COMMD10: variants seen among roughly 807,000 people sequenced by gnomAD.
COMMD10 encodes COMM domain-containing protein 10.
In COMMD10, 33 loss-of-function variants were observed where a neutral mutation model predicts 28.9. The ratio of observed to expected loss-of-function variants is 1.14; its 90% CI spans 0.87 to 1.53. The LOEUF (loss-of-function observed/expected upper bound fraction) is 1.53, where lower values mean the gene tolerates loss of function less well. COMMD10 is among the 40% of genes most tolerant of loss of function. The probability of loss-of-function intolerance (pLI) is 0.00; values close to 1 mark genes in which losing one functional copy is unlikely to be tolerated. For synonymous variants in COMMD10, 110 were observed against 81.7 expected, an observed-to-expected ratio of 1.35 and a Z score of -1.87; for missense variants, 310 against 233.4, an observed-to-expected ratio of 1.33 and a Z score of -2.14.
chr5:116,292,626 C>A lies in COMMD10; in HGVS notation c.*137C>A. 3.5e-6 allele frequency: 2 copies of A among 571,168 alleles called. No individual in the cohort carries two copies. The highest frequency in any genetic ancestry group is 3.0e-6 in the Non-Finnish European group (1 of 333,588). 35.4% of individuals were successfully genotyped at this position (571,168 alleles called of 1,614,324 possible). On this transcript the variant is annotated 3_prime_UTR_variant, in exon 7 of 7. Transcript: ENST00000274458. ...ATTATATGGCTTATCACTTCTTAGACAAATAACAACCAATAGAGATCATTG... is the reference window on the plus strand; with the variant it reads ...ATTATATGGCTTATCACTTCTTAGAAAAATAACAACCAATAGAGATCATTG...
chr5:116,273,105 A>G (rs185381698), intron 5 of COMMD10, among the ~76,000 whole-genome samples: 9 of 151,848 alleles, frequency 5.9e-5, no homozygotes. Context: ...TCACTTTTAG[A>G]AGAATTCAGT....
chr5:116,187,137 A>G (rs1186966538), intron 5 of COMMD10, among the ~76,000 whole-genome samples: 1 of 152,152 alleles, frequency 6.6e-6, no homozygotes, highest in Non-Finnish European at 1.5e-5. Flanking sequence ...ACAGTATGGG[A>G]ATACATGTGT....
At chr5:116,118,540 A>T (rs1486859289) in intron 4 of COMMD10, among the ~76,000 whole-genome samples, 1 of 152,198 alleles carries the variant, frequency 6.6e-6, no homozygotes, top group African/African-American at 2.4e-5. Flanking sequence ...AAAGGACAAT[A>T]AAAGGAGGAG....
intron 5 of COMMD10, among the ~76,000 whole-genome samples, chr5:116,212,181 G>C (rs943198674): frequency 6.6e-6 from 1 of 151,960 alleles, no homozygotes; most frequent in East Asian, 1.9e-4. Context: ...ATGTAACTTA[G>C]CGTAATATAA....
chr5:116,284,850 G>A lies in COMMD10; in HGVS notation c.511-6667G>A, dbSNP rs80274369. Among the ~76,000 whole-genome samples, 249 of 151,990 alleles carry A rather than the reference G, an allele frequency of 1.6e-3. 9 individuals are homozygous for A. The highest frequency in any genetic ancestry group is 5.9e-3 in the African/African-American group (245 of 41,310). Reference sequence around the variant, plus strand: ...ATATGTAGAGCCTAGACAATCCAAAGAGAAGCACCTTTAATACTAGTAATT... The same window carrying A: ...ATATGTAGAGCCTAGACAATCCAAAAAGAAGCACCTTTAATACTAGTAATT... On this transcript the variant is annotated intron_variant, in intron 5 of 6. Coordinates refer to ENST00000274458, the MANE Select transcript of COMMD10 (RefSeq NM_016144.4).
intron 5 of COMMD10, among the ~76,000 whole-genome samples, chr5:116,157,425 C>T (rs1049743863): frequency 1.3e-5 from 2 of 152,032 alleles, no homozygotes; most frequent in Admixed American, 6.6e-5. Context: ...AGCAGTTTGC[C>T]GGGTCTAGTT....
At chr5:116,264,155 C>A (rs1750521761) in intron 5 of COMMD10, among the ~76,000 whole-genome samples, 1 of 151,674 alleles carries the variant, frequency 6.6e-6, no homozygotes, top group African/African-American at 2.4e-5. Context: ...CTACCTCTTG[C>A]TGTATAGGAG....
intron 5 of COMMD10, among the ~76,000 whole-genome samples, chr5:116,255,994 A>G (rs941344194): frequency 1.3e-5 from 2 of 151,652 alleles, no homozygotes; most frequent in Non-Finnish European, 2.9e-5. Context: ...TTTCATGGAT[A>G]TGCATATTGA....
intron 5 of COMMD10, among the ~76,000 whole-genome samples, chr5:116,266,986 TATC>T (rs1750604791): frequency 6.6e-6 from 1 of 151,822 alleles, no homozygotes; most frequent in Non-Finnish European, 1.5e-5. Flanking sequence ...CCACAGCCAA[TATC>T]ATACTGAATG....
At chr5:116,217,744 A>G (rs1369601147) in intron 5 of COMMD10, among the ~76,000 whole-genome samples, 3 of 152,112 alleles carry the variant, frequency 2.0e-5, no homozygotes, top group African/African-American at 7.2e-5. Flanking sequence ...AGGTGGCCAT[A>G]TGTGTCAAAG....
intron 5 of COMMD10, among the ~76,000 whole-genome samples, chr5:116,186,542 A>C (rs184248156): frequency 6.6e-6 from 1 of 152,218 alleles, no homozygotes; most frequent in African/African-American, 2.4e-5. Flanking sequence ...GATCTTCTGA[A>C]GGAGGTTTAC....
At chr5:116,160,532 A>G (rs1455931367) in intron 5 of COMMD10, among the ~76,000 whole-genome samples, 2 of 152,314 alleles carry the variant, frequency 1.3e-5, no homozygotes, top group Admixed American at 1.3e-4. Context: ...GTACAAGGTA[A>G]TAGATTTATA....
intron 4 of COMMD10, among the ~76,000 whole-genome samples, chr5:116,105,517 A>C (rs1750808130): frequency 6.6e-6 from 1 of 152,198 alleles, no homozygotes; most frequent in African/African-American, 2.4e-5. Flanking sequence ...TGTTTGGAAT[A>C]GTTTTAGAAG....
intron 5 of COMMD10, among the ~76,000 whole-genome samples, chr5:116,264,731 G>T (rs1231914098): frequency 1.3e-5 from 2 of 151,766 alleles, no homozygotes; most frequent in Non-Finnish European, 2.9e-5. Context: ...GCTTGATGGA[G>T]AGATATACCA....
intron 4 of COMMD10, among the ~76,000 whole-genome samples, chr5:116,096,901 A>G (rs1395206198): frequency 1.3e-5 from 2 of 151,612 alleles, no homozygotes; most frequent in Non-Finnish European, 2.9e-5. Flanking sequence ...AGCCATTTTC[A>G]TTTTTAAAAA....
intron 2 of COMMD10, 114 bp from the exon 3 acceptor site, chr5:116,090,965 T>C (rs1264738623): frequency 2.3e-5 from 13 of 566,634 alleles, no homozygotes; most frequent in Non-Finnish European, 3.7e-5. Context: ...CTTTTCACCA[T>C]GTATTTTTCT....
At chr5:116,165,763 G>A (rs1236781026) in intron 5 of COMMD10, among the ~76,000 whole-genome samples, 1 of 151,850 alleles carries the variant, frequency 6.6e-6, no homozygotes. Context: ...TTCTTATAAA[G>A]GCACTCATCC....
chr5:116,241,764 C>T (rs1374560266), intron 5 of COMMD10, among the ~76,000 whole-genome samples: 1 of 152,080 alleles, frequency 6.6e-6, no homozygotes, highest in Non-Finnish European at 1.5e-5. Context: ...AGGCGCCCGC[C>T]ACCACGCCCA....
intron 5 of COMMD10, among the ~76,000 whole-genome samples, chr5:116,238,048 T>A (rs1445441789): frequency 6.6e-6 from 1 of 152,202 alleles, no homozygotes; most frequent in Non-Finnish European, 1.5e-5. Context: ...GAAATCAATA[T>A]GGCTCATGTT....
Sources: gnomAD v4.1 joint callset for allele counts (sites outside exome capture counted in the v4.1 genomes callset) on GRCh38, gnomAD v4.1.1 for gene constraint, MANE v1.5 for transcripts, NCBI Gene and HGNC (gene_info 2026-07-23, HGNC 2026-07-21) for gene names.